MEF2A: variants seen among roughly 807,000 people sequenced by gnomAD.
MEF2A encodes the protein myocyte-specific enhancer factor 2A.
A neutral mutation model predicts 55.8 loss-of-function variants in MEF2A; 28 were observed. The ratio of observed to expected loss-of-function variants is 0.50; its 90% confidence interval spans 0.37 to 0.69. The LOEUF is 0.69. Ranked by LOEUF, MEF2A falls within the 30% of genes least tolerant of loss-of-function variation. The pLI is 0.00. For missense variants in MEF2A, 528 were observed against 626.2 expected (o/e 0.84, Z 1.67); for synonymous variants, 239 against 227.1 (o/e 1.05, Z -0.47).
chr15:99,678,049 CAAATT>C (rs1275700889), intron 7 of MEF2A, among the ~76,000 whole-genome samples: 1 of 151,918 alleles, frequency 6.6e-6, no homozygotes, highest in Non-Finnish European at 1.5e-5. Context: ...AATAGAAAAA[CAAATT>C]GAATTAACAA....
At chr15:99,677,499 A>G (rs558466017) in intron 7 of MEF2A, among the ~76,000 whole-genome samples, 2 of 152,280 alleles carry the variant, frequency 1.3e-5, no homozygotes, top group South Asian at 4.1e-4. Flanking sequence ...AAGAAACTAA[A>G]AGATAAGATA....
At chr15:99,574,249 GA>G (rs947350268) in intron 1 of MEF2A, among the ~76,000 whole-genome samples, 1 of 152,136 alleles carries the variant, frequency 6.6e-6, no homozygotes, top group Non-Finnish European at 1.5e-5. Flanking sequence ...TTTACAGATT[GA>G]AACTCCTTGA....
chr15:99,668,929 G>A (rs928912550), intron 4 of MEF2A, among the ~76,000 whole-genome samples: 1 of 152,128 alleles, frequency 6.6e-6, no homozygotes. Flanking sequence ...TCAAACAGAG[G>A]TACATTAGCT....
chr15:99,604,452 C>A (rs970370869), intron 2 of MEF2A, among the ~76,000 whole-genome samples: 3 of 152,052 alleles, frequency 2.0e-5, no homozygotes, highest in African/African-American at 7.2e-5. Context: ...TTCTGAAAAT[C>A]ATTTTTCATT....
intron 2 of MEF2A, among the ~76,000 whole-genome samples, chr15:99,602,651 G>GGGGT (rs1236049172): frequency 2.0e-4 from 20 of 98,974 alleles, no homozygotes; most frequent in African/African-American, 5.9e-4. Flanking sequence ...TGACATTCCT[G>GGGGT]GGGTGTGTGT....
chr15:99,677,945 G>T (rs376428752), intron 7 of MEF2A, among the ~76,000 whole-genome samples: 1 of 152,188 alleles, frequency 6.6e-6, no homozygotes, highest in Non-Finnish European at 1.5e-5. Context: ...GATCTCATAC[G>T]TGCTTTTGTG....
At chr15:99,569,691 A>G in intron 1 of MEF2A, among the ~76,000 whole-genome samples, 1 of 152,198 alleles carries the variant, frequency 6.6e-6, no homozygotes, top group East Asian at 1.9e-4. Context: ...AGTTAGAAGA[A>G]TACTTCTGTA....
At chr15:99,566,325 G>C (rs1318378758) in intron 1 of MEF2A, among the ~76,000 whole-genome samples, 1 of 149,408 alleles carries the variant, frequency 6.7e-6, no homozygotes, top group Non-Finnish European at 1.5e-5. Flanking sequence ...GGGCGGGTAG[G>C]GTGCTGGGAG....
chr15:99,699,035 A>G (rs2056952237), intron 8 of MEF2A, among the ~76,000 whole-genome samples: 1 of 151,882 alleles, frequency 6.6e-6, no homozygotes, highest in South Asian at 2.1e-4. Flanking sequence ...TGGGCAACAC[A>G]GCAAGACCCT....
intron 2 of MEF2A, among the ~76,000 whole-genome samples, chr15:99,610,203 C>A (rs1188457656): frequency 6.6e-6 from 1 of 151,976 alleles, no homozygotes; most frequent in Non-Finnish European, 1.5e-5. Context: ...TAATACAGTT[C>A]TTAGGAATAA....
chr15:99,645,906 G>C (rs1181494897), intron 4 of MEF2A, 142 bp downstream of exon 4: 1 of 590,952 alleles, frequency 1.7e-6, no homozygotes, highest in Non-Finnish European at 2.9e-6. Flanking sequence ...TCTTAGAAGA[G>C]TGATTGCTGT....
intron 1 of MEF2A, among the ~76,000 whole-genome samples, chr15:99,596,712 A>G (rs1335922235): frequency 6.6e-6 from 1 of 152,210 alleles, no homozygotes; most frequent in African/African-American, 2.4e-5. Flanking sequence ...GGCCAATAGG[A>G]GCGAGGAGAG....
Position 99,671,269 on chromosome 15 carries a change from A to G in MEF2A, c.259-54A>G, listed in dbSNP as rs1037213285. On this transcript the variant is annotated intron_variant, in intron 4 of 11. Transcript: ENST00000557942. Reference sequence around the variant, plus strand: ...TGCTCTCTTAATAAATTTTACAGAAAAACTCATGGCAAGTTAGCATTATTT... The same window carrying G: ...TGCTCTCTTAATAAATTTTACAGAAGAACTCATGGCAAGTTAGCATTATTT... The G allele has an allele frequency of 1.3e-5, 21 of 1,568,040 alleles. No homozygotes were observed. In the Admixed American group the frequency reaches 4.0e-4, roughly 30 times the overall value.
intron 7 of MEF2A, among the ~76,000 whole-genome samples, chr15:99,683,917 C>T (rs2053727070): frequency 6.6e-6 from 1 of 152,006 alleles, no homozygotes; most frequent in Non-Finnish European, 1.5e-5. Flanking sequence ...GCCGTTGCAT[C>T]CTCATAGCTT....
intron 2 of MEF2A, among the ~76,000 whole-genome samples, chr15:99,618,294 G>C (rs1022328120): frequency 1.3e-5 from 2 of 152,200 alleles, no homozygotes; most frequent in Non-Finnish European, 2.9e-5. Flanking sequence ...ATAATGACTG[G>C]CTTATATTCT....
intron 4 of MEF2A, among the ~76,000 whole-genome samples, chr15:99,662,632 C>T (rs971072559): frequency 3.3e-5 from 5 of 152,030 alleles, no homozygotes; most frequent in East Asian, 1.9e-4. Flanking sequence ...TCTGCCACTA[C>T]GCCCAGCTAA....
intron 4 of MEF2A, among the ~76,000 whole-genome samples, chr15:99,658,611 A>C (rs1052802580): frequency 1.4e-4 from 22 of 152,120 alleles, no homozygotes; most frequent in Non-Finnish European, 2.4e-4. Context: ...TGTAAAAAAA[A>C]AAACAAACAA....
intron 2 of MEF2A, among the ~76,000 whole-genome samples, chr15:99,601,510 G>GTTTTTTTTTTTTTT (rs34835966): frequency 8.8e-6 from 1 of 113,908 alleles, no homozygotes; most frequent in Non-Finnish European, 1.8e-5. Context: ...CTTGGTCAGA[G>GTTTTTTTTTTTTTT]TTTTTTTTTT....
At chr15:99,637,799 C>T (rs1175908476) in intron 3 of MEF2A, among the ~76,000 whole-genome samples, 3 of 152,160 alleles carry the variant, frequency 2.0e-5, no homozygotes, top group African/African-American at 4.8e-5. Flanking sequence ...CCTGCCACCA[C>T]GCCCGGCTAA....
Sources: gnomAD v4.1 joint callset for allele counts (sites outside exome capture counted in the v4.1 genomes callset) on GRCh38, gnomAD v4.1.1 for gene constraint, MANE v1.5 for transcripts, NCBI Gene and HGNC (gene_info 2026-07-23, HGNC 2026-07-21) for gene names.